Variants in SRRM3 observed in about 807,000 individuals in gnomAD.
SRRM3 encodes the protein serine/arginine repetitive matrix 3.
In SRRM3, 27 loss-of-function variants were observed where a neutral mutation model predicts 66.2. The ratio of observed to expected loss-of-function variants is 0.41; its 90% CI spans 0.30 to 0.56. SRRM3 has a LOEUF of 0.56. SRRM3 is among the 20% of genes least tolerant of loss of function. SRRM3 has a pLI of 0.32. For synonymous variants in SRRM3, 391 were observed against 414.9 expected (o/e 0.94, Z 0.70); for missense variants, 918 against 991.9 (o/e 0.93, Z 1.00).
chr7:76,283,237 A>C, intron 14 of SRRM3, 136 bp downstream of exon 14: 1 of 1,051,964 alleles, frequency 9.5e-7, no homozygotes, highest in Non-Finnish European at 1.3e-6. Context: ...GTGCTAAGGG[A>C]CAATGAGTGG....
intron 1 of SRRM3, among the ~76,000 whole-genome samples, chr7:76,215,775 T>G (rs372082826): frequency 9.4e-5 from 14 of 148,982 alleles, no homozygotes; most frequent in East Asian, 3.9e-4. Flanking sequence ...AACAGGCATG[T>G]GCCACCACAC....
intron 1 of SRRM3, among the ~76,000 whole-genome samples, chr7:76,223,243 G>T (rs1397774634): frequency 2.0e-5 from 3 of 152,190 alleles, no homozygotes; most frequent in African/African-American, 7.2e-5. Flanking sequence ...AGTTGATGGG[G>T]TGTCTCTTGG....
chr7:76,249,229 C>T (rs1018582687), intron 3 of SRRM3, among the ~76,000 whole-genome samples: 3 of 151,802 alleles, frequency 2.0e-5, no homozygotes, highest in Non-Finnish European at 4.4e-5. Flanking sequence ...CTACAAAATA[C>T]ACAAAAATTA....
At chr7:76,263,872 C>G (rs1801941739) in intron 8 of SRRM3, among the ~76,000 whole-genome samples, 1 of 23,650 alleles carries the variant, frequency 4.2e-5, no homozygotes, top group Non-Finnish European at 6.7e-5. Flanking sequence ...GACTCTGTCT[C>G]AAGACAAAAA....
At chr7:76,248,142 C>T in intron 2 of SRRM3, 46 bp from the exon 3 acceptor site, 1 of 1,530,262 alleles carries the variant, frequency 6.5e-7, no homozygotes, top group Non-Finnish European at 9.0e-7. Flanking sequence ...AAAGAGGGAA[C>T]CAAATCTGGG....
intron 3 of SRRM3, among the ~76,000 whole-genome samples, chr7:76,255,221 CT>C (rs1554607539): frequency 7.4e-6 from 1 of 135,910 alleles, no homozygotes; most frequent in Non-Finnish European, 1.5e-5. Context: ...GCGATCTTGG[CT>C]CACTGCAACC....
Position 76,286,153 on chromosome 7 carries a change from C to T in SRRM3, c.*310C>T, listed in dbSNP as rs1313849354. On this transcript the variant is annotated 3_prime_UTR_variant, in exon 15 of 15. Coordinates refer to ENST00000611745, the MANE Select transcript of SRRM3 (RefSeq NM_001110199.3). ...CCCCTTCCTGCTGATGCCAACTCAC[C>T]AGGCTTGGGACTGCTGCCGGTGGAT... The T allele has an allele frequency of 6.3e-6, 3 of 473,570 alleles. No individual in the cohort carries two copies. Among genetic ancestry groups the T allele is most frequent in the African/African-American group, 3.9e-5 (2 of 50,788 alleles). 29.3% of individuals were successfully genotyped at this position (473,570 alleles called of 1,614,324 possible).
At chr7:76,213,152 G>A (rs2116942946) in intron 1 of SRRM3, among the ~76,000 whole-genome samples, 1 of 152,028 alleles carries the variant, frequency 6.6e-6, no homozygotes, top group South Asian at 2.1e-4. Flanking sequence ...TGGGATTACA[G>A]GGGACTGCCA....
intron 11 of SRRM3, among the ~76,000 whole-genome samples, chr7:76,272,033 T>C (rs1802227613): frequency 6.6e-6 from 1 of 152,048 alleles, no homozygotes; most frequent in Non-Finnish European, 1.5e-5. Context: ...TCACACAATG[T>C]AGGATGAAAG....
chr7:76,211,840 T>C (rs1175706779), intron 1 of SRRM3, among the ~76,000 whole-genome samples: 1 of 144,162 alleles, frequency 6.9e-6, no homozygotes, highest in African/African-American at 2.7e-5. Context: ...ATTATTATTA[T>C]TATTATTATT....
intron 1 of SRRM3, among the ~76,000 whole-genome samples, chr7:76,221,615 GC>G (rs1246587069): frequency 6.6e-6 from 1 of 152,076 alleles, no homozygotes; most frequent in African/African-American, 2.4e-5. Context: ...ACCCGCCTCG[GC>G]CCCCCAAAGT....
intron 3 of SRRM3, among the ~76,000 whole-genome samples, chr7:76,250,459 C>G (rs1243249859): frequency 6.6e-6 from 1 of 152,104 alleles, no homozygotes; most frequent in Non-Finnish European, 1.5e-5. Context: ...GTCTCGAACT[C>G]GTGACCTCAG....
At chr7:76,255,124 TTTTC>T (rs377584837) in intron 3 of SRRM3, among the ~76,000 whole-genome samples, 3,095 of 139,212 alleles carry the variant, frequency 0.022, 177 homozygotes, top group African/African-American at 0.07. Flanking sequence ...TTATTTTTCC[TTTTC>T]TTTCTTTCTT....
chr7:76,221,508 G>A (rs753035295), intron 1 of SRRM3, among the ~76,000 whole-genome samples: 4 of 151,792 alleles, frequency 2.6e-5, no homozygotes, highest in Non-Finnish European at 4.4e-5. Flanking sequence ...GACTACAGGC[G>A]CCCACCACCA....
intron 2 of SRRM3, among the ~76,000 whole-genome samples, chr7:76,244,431 G>A (rs1195056013): frequency 6.6e-6 from 1 of 151,502 alleles, no homozygotes; most frequent in Non-Finnish European, 1.5e-5. Flanking sequence ...AAGCTAAGGA[G>A]GAGAATTGCT....
At position 76,285,620 on chromosome 7, in the gene SRRM3, G is replaced by C. The variant is rs1229445916; in HGVS notation, c.1739G>C (p.Arg580Pro). 1 of 1,548,840 alleles carries C rather than the reference G, an allele frequency of 6.5e-7. No individual in the cohort carries two copies. The highest frequency in any genetic ancestry group is 8.7e-7 in the Non-Finnish European group (1 of 1,145,900). Reference protein sequence around the residue: ...FMEPRRITSARKRPIPYYRPS... With the variant: ...FMEPRRITSAPKRPIPYYRPS... Reference sequence around the variant, plus strand: ...CAGCTTTTTCTTCCCGGCAGCGCCCGCAAGCGTCCTATTCCATACTACCGG... The same window carrying C: ...CAGCTTTTTCTTCCCGGCAGCGCCCCCAAGCGTCCTATTCCATACTACCGG... The change falls in exon 15 of 15, where the codon CGC (arginine) becomes CCC (proline). Residue 580 changes from arginine to proline, a missense_variant. Transcript: ENST00000611745. The surrounding 1 kb of genome is among the most constrained non-coding windows in gnomAD (Gnocchi z 4.1).
chr7:76,207,423 G>A (rs1554601275), intron 1 of SRRM3, among the ~76,000 whole-genome samples: 1 of 152,174 alleles, frequency 6.6e-6, no homozygotes, highest in African/African-American at 2.4e-5. Flanking sequence ...ACCACCCAAA[G>A]ACAACCACTT....
At chr7:76,259,729 G>A (rs571922957) in intron 3 of SRRM3, among the ~76,000 whole-genome samples, 177 bp from the exon 4 acceptor site, 1 of 152,212 alleles carries the variant, frequency 6.6e-6, no homozygotes, top group African/African-American at 2.4e-5. Flanking sequence ...TGCCCCGTTG[G>A]GTTCCCCAAA....
chr7:76,240,948 G>A (rs1554605554), intron 2 of SRRM3, among the ~76,000 whole-genome samples: 1 of 152,088 alleles, frequency 6.6e-6, no homozygotes, highest in African/African-American at 2.4e-5. Context: ...CCAGGCTGGA[G>A]TGCAATGGCG....
Sources: allele counts gnomAD v4.1 joint callset (sites outside exome capture counted in the v4.1 genomes callset), GRCh38; gene constraint gnomAD v4.1.1; non-coding constraint Gnocchi (gnomAD v3.1); transcripts MANE v1.5; gene names NCBI Gene and HGNC (gene_info 2026-07-23, HGNC 2026-07-21).